The following NFKB2 variants were observed in gnomAD, a reference collection of about 807,000 sequenced individuals.
The protein encoded by NFKB2 is nuclear factor NF-kappa-B p100 subunit.
Under a neutral mutation model 109.3 loss-of-function variants are expected in NFKB2, and 21 were observed. The ratio of observed to expected loss-of-function variants is 0.19; its 90% CI spans 0.14 to 0.28. The LOEUF (loss-of-function observed/expected upper bound fraction) is 0.28. NFKB2 is among the 10% of genes least tolerant of loss of function. The probability of loss-of-function intolerance (pLI) is 1.00; values close to 1 mark genes in which losing one functional copy is unlikely to be tolerated. For missense variants in NFKB2, 806 were observed against 1,185.3 expected (o/e 0.68, Z 4.70); for synonymous variants, 478 against 489.9 (o/e 0.98, Z 0.32).
upstream of NFKB2, among the ~76,000 whole-genome samples, chr10:102,395,275 G>T (rs1384456374): frequency 6.6e-6 from 1 of 152,180 alleles, no homozygotes; most frequent in Non-Finnish European, 1.5e-5. Flanking sequence ...GCAGAACCCC[G>T]GGGCCTCCCA....
intron 14 of NFKB2, 98 bp from the exon 15 acceptor site, chr10:102,399,982 C>A: frequency 1.5e-6 from 2 of 1,297,806 alleles, no homozygotes; most frequent in Non-Finnish European, 2.2e-6. Flanking sequence ...GTGCTGGGTT[C>A]CATGGGCCCC....
Position 102,400,801 on chromosome 10 carries a change from TTGGTCACCCATC to T in NFKB2, c.1954_1965del (p.His652_Thr655del), listed in dbSNP as rs766575001. On this transcript the variant is annotated inframe_deletion, in exon 17 of 23. Transcript: ENST00000661543. This position sits in a 1 kb window ranked among gnomAD's most constrained non-coding sequence, Gnocchi z 6.3. ...AGCCACAGAGATGGAGGAGCTGGGG[TTGGTCACCCATC>T]TGGTCACCAAGGTGGGACTGAGGAT... The T allele has an allele frequency of 6.3e-7, 1 of 1,596,306 alleles. No individual in the cohort carries two copies. The highest frequency in any genetic ancestry group is 1.4e-5 in the African/African-American group (1 of 73,502).
chr10:102,398,849 G>A lies in NFKB2; in HGVS notation c.1102G>A (p.Gly368Arg), dbSNP rs934745953. The A allele has an allele frequency of 2.5e-6, 4 of 1,594,856 alleles. No homozygotes were observed. Among genetic ancestry groups the A allele is most frequent in the East Asian group, 2.2e-5 (1 of 44,826 alleles). The change falls in exon 12 of 23, where the codon GGA (glycine) becomes AGA (arginine). Residue 368 changes from glycine to arginine, a missense_variant. Coordinates refer to ENST00000661543, the MANE Select transcript of NFKB2 (RefSeq NM_001322934.2). This position sits in a 1 kb window ranked among gnomAD's most constrained non-coding sequence, Gnocchi z 6.6. ...CTCTGGGGGTGCAGCCGGGGGCTAC[G>A]GAGGAGCTGGAGGAGGTGAGGGGGT... ...GGSGGAAGGYGGAGGGGSLGF... is the reference protein window; with the variant it reads ...GGSGGAAGGYRGAGGGGSLGF...
In NFKB2 at chr10:102,396,379, G is replaced by A; in HGVS notation, c.103+45G>A. On this transcript the variant is annotated intron_variant, in intron 3 of 22. Coordinates refer to ENST00000661543, the MANE Select transcript of NFKB2 (RefSeq NM_001322934.2). The surrounding 1 kb of genome is among the most constrained non-coding windows in gnomAD (Gnocchi z 5.9). ...TCCCCTAGTCCTAAAGCGGGGGAGG[G>A]AGAGCATGTGCCCTCTCTCTGGGGG... is the stretch of plus-strand genomic sequence containing the variant. The A allele has an allele frequency of 6.2e-7, 1 of 1,613,912 alleles. No homozygotes were observed. The highest frequency in any genetic ancestry group is 8.5e-7 in the Non-Finnish European group (1 of 1,179,794).
In NFKB2 at chr10:102,400,937, G is replaced by T; in HGVS notation, c.1969-10G>T. 1.9e-6 allele frequency: 3 copies of T among 1,610,110 alleles called. No homozygotes were observed. The highest frequency in any genetic ancestry group is 1.3e-5 in the African/African-American group (1 of 74,922). On this transcript the variant is annotated splice_polypyrimidine_tract_variant and intron_variant, in intron 17 of 22. Transcript: ENST00000661543. This position sits in a 1 kb window ranked among gnomAD's most constrained non-coding sequence, Gnocchi z 6.3. ...GCTGTGGTGTCAACTCTCGCTGCTCGCACCCCCAGCTCCGGGCCAACGTGA... is the reference window on the plus strand; with the variant it reads ...GCTGTGGTGTCAACTCTCGCTGCTCTCACCCCCAGCTCCGGGCCAACGTGA...
rs1397409029 is a variant in NFKB2 at position 102,397,270 on chromosome 10, A to T, written c.396-32A>T. On this transcript the variant is annotated intron_variant, in intron 6 of 22. Transcript: ENST00000661543. This position sits in a 1 kb window ranked among gnomAD's most constrained non-coding sequence, Gnocchi z 4.7. Reference sequence around the variant, plus strand: ...AGGTGCCTCAGGAAGAAAGAACTGCATGGCCAAAGGCCTCCGATTCTCTCT... The same window carrying T: ...AGGTGCCTCAGGAAGAAAGAACTGCTTGGCCAAAGGCCTCCGATTCTCTCT... The T allele has an allele frequency of 6.2e-7, 1 of 1,605,188 alleles. No homozygotes were observed. The highest frequency in any genetic ancestry group is 2.2e-5 in the East Asian group (1 of 44,830).
Position 102,397,539 on chromosome 10 carries a change from G to C in NFKB2, c.515G>C (p.Arg172Pro), listed in dbSNP as rs779769505. The change falls in exon 8 of 23, where the codon CGG becomes CCG. Residue 172 changes from arginine to proline, a missense_variant. Physicochemically the swap from Arg to Pro is moderately radical, Grantham distance 103. This residue lies in a region of NFKB2 where 62 missense variants were observed against 102.2 expected (regional missense o/e 0.61). Transcript: ENST00000661543. This position sits in a 1 kb window ranked among gnomAD's most constrained non-coding sequence, Gnocchi z 4.7. Reference protein sequence around the residue: ...RPQGLTEAEQRELEQEAKELK... With the variant: ...RPQGLTEAEQPELEQEAKELK... ...ACCTACTGCCCAGAGGCCGAGCAGCGGGAGCTGGAGCAAGAGGCCAAAGAA... is the reference window on the plus strand; with the variant it reads ...ACCTACTGCCCAGAGGCCGAGCAGCCGGAGCTGGAGCAAGAGGCCAAAGAA... 1 of 1,613,004 alleles carries C rather than the reference G, an allele frequency of 6.2e-7. No homozygotes were observed. Among genetic ancestry groups the C allele is most frequent in the Non-Finnish European group, 8.5e-7 (1 of 1,179,278 alleles).
chr10:102,396,063 T>C lies in NFKB2; in HGVS notation c.21+83T>C. On this transcript the variant is annotated intron_variant, in intron 2 of 22. Coordinates refer to ENST00000661543, the MANE Select transcript of NFKB2 (RefSeq NM_001322934.2). This position sits in a 1 kb window ranked among gnomAD's most constrained non-coding sequence, Gnocchi z 5.9. ...TCTGCCCGAGCCCCCTCTGCTGCCTTACACCTGTATGCTCGCAGATGCTCT... is the reference window on the plus strand; with the variant it reads ...TCTGCCCGAGCCCCCTCTGCTGCCTCACACCTGTATGCTCGCAGATGCTCT... The C allele has an allele frequency of 6.4e-7, 1 of 1,569,430 alleles. No homozygotes were observed. The highest frequency in any genetic ancestry group is 1.1e-5 in the South Asian group (1 of 90,254).
In NFKB2 at chr10:102,400,893, G is replaced by A. The variant is rs45627832; in HGVS notation, c.1969-54G>A. ...AGGGGCCAAAGATGGTGAAGGGGGG[G>A]GCTGGCCAAGGGGACCATGCTGTGG... On this transcript the variant is annotated intron_variant, in intron 17 of 22. Coordinates refer to ENST00000661543, the MANE Select transcript of NFKB2 (RefSeq NM_001322934.2). The surrounding 1 kb of genome is among the most constrained non-coding windows in gnomAD (Gnocchi z 6.3). The A allele has an allele frequency of 1.1e-5, 17 of 1,583,664 alleles. No homozygotes were observed. The highest frequency in any genetic ancestry group is 4.0e-5 in the African/African-American group (3 of 74,400).
Position 102,402,124 on chromosome 10 carries a change from G to A in NFKB2, c.2543G>A (p.Arg848Lys), listed in dbSNP as rs368799218. Residue 848 changes from arginine to lysine, a missense_variant, in exon 22 of 23, where the codon AGG becomes AAG. Coordinates refer to ENST00000661543, the MANE Select transcript of NFKB2 (RefSeq NM_001322934.2). ...CTAGAGGAGGGAGTGAGGCTGCTGA[G>A]GGGTCCAGAAACCCGAGACAAGCTG... ...MGLEEGVRLLRGPETRDKLPS... is the reference protein window; with the variant it reads ...MGLEEGVRLLKGPETRDKLPS... The A allele has an allele frequency of 6.3e-7, 1 of 1,579,528 alleles. No homozygotes were observed. Among genetic ancestry groups the A allele is most frequent in the Non-Finnish European group, 8.6e-7 (1 of 1,162,270 alleles).
At chr10:102,395,563 T>G (rs1398796893), upstream of NFKB2, 1 of 341,338 alleles carries the variant, frequency 2.9e-6, no homozygotes, top group Admixed American at 4.4e-5. Context: ...CTCTGCCCGC[T>G]GAAAAGCAGC....
At position 102,395,871 on chromosome 10, in the gene NFKB2, A is replaced by C. The variant is rs2061099608; in HGVS notation, c.-72-17A>C. ...TAGATCTGACCCCCTCCCCCACGCCACTCCTCCCAACTTTAGGCGGGCGTC... is the reference window on the plus strand; with the variant it reads ...TAGATCTGACCCCCTCCCCCACGCCCCTCCTCCCAACTTTAGGCGGGCGTC... On this transcript the variant is annotated splice_polypyrimidine_tract_variant and intron_variant, in intron 1 of 22. Transcript: ENST00000661543. 8.6e-6 allele frequency: 4 copies of C among 464,856 alleles called. No homozygotes were observed. The highest frequency in any genetic ancestry group is 1.2e-5 in the Non-Finnish European group (4 of 344,814). The allele number at this position is 464,856 out of a possible 1,614,324, so 28.8% of individuals were successfully genotyped here. A position where few individuals can be genotyped will look rare whatever the true frequency, so the allele number is the denominator to read the frequency against.
In NFKB2 at chr10:102,400,411, GTGCT is replaced by G; in HGVS notation, c.1719_1722del (p.Ala574LeufsTer66). On this transcript the variant is annotated frameshift_variant, in exon 16 of 23. Coordinates refer to ENST00000661543, the MANE Select transcript of NFKB2 (RefSeq NM_001322934.2). LOFTEE classifies it high-confidence loss of function. The surrounding 1 kb of genome is among the most constrained non-coding windows in gnomAD (Gnocchi z 6.3). ...CATCTGGCGCTGCGGGCAGGCGCTG[GTGCT>G]CCTGAGCTGCTGCGTGCACTGCTTC... 1 of 1,613,100 alleles carries G rather than the reference GTGCT, an allele frequency of 6.2e-7. No homozygotes were observed. The highest frequency in any genetic ancestry group is 8.5e-7 in the Non-Finnish European group (1 of 1,180,022).
rs1284038164 is a variant in NFKB2 at position 102,401,934 on chromosome 10, C to T, written c.2466+17C>T. 6.2e-7 allele frequency: 1 copy of T among 1,604,244 alleles called. No homozygotes were observed. Among genetic ancestry groups the T allele is most frequent in the Non-Finnish European group, 8.5e-7 (1 of 1,174,270 alleles). Reference sequence around the variant, plus strand: ...AGCTACGAGGTGGGTTGGCCTGTGCCCTGCCCCCTCCCCAGCCTCCTTTCC... The same window carrying T: ...AGCTACGAGGTGGGTTGGCCTGTGCTCTGCCCCCTCCCCAGCCTCCTTTCC... On this transcript the variant is annotated intron_variant, in intron 21 of 22. Transcript: ENST00000661543. This position sits in a 1 kb window ranked among gnomAD's most constrained non-coding sequence, Gnocchi z 4.2.
chr10:102,396,599 T>TTGGA lies in NFKB2; in HGVS notation c.144+114_144+117dup. ...CATTGCCGAAGGAGGCCACAGGGGA[T>TTGGA]TGGATGGTCACTGCTGCTGATCAGA... On this transcript the variant is annotated intron_variant, in intron 4 of 22. Coordinates refer to ENST00000661543, the MANE Select transcript of NFKB2 (RefSeq NM_001322934.2). The surrounding 1 kb of genome is among the most constrained non-coding windows in gnomAD (Gnocchi z 5.9). The TTGGA allele has an allele frequency of 6.3e-7, 1 of 1,576,616 alleles. No individual in the cohort carries two copies. The highest frequency in any genetic ancestry group is 8.7e-7 in the Non-Finnish European group (1 of 1,148,842).
chr10:102,400,052 G>T lies in NFKB2; in HGVS notation c.1470-28G>T, dbSNP rs753409845. 2.5e-6 allele frequency: 4 copies of T among 1,607,342 alleles called. No individual in the cohort carries two copies. Among genetic ancestry groups the T allele is most frequent in the Non-Finnish European group, 3.4e-6 (4 of 1,174,424 alleles). ...AAGCGAAGGATGCTCTGAGTGGCTG[G>T]GCCAGACTCTCGCTCCCCAACCCCC... is the stretch of plus-strand genomic sequence containing the variant. On this transcript the variant is annotated intron_variant, in intron 14 of 22. Coordinates refer to ENST00000661543, the MANE Select transcript of NFKB2 (RefSeq NM_001322934.2). The surrounding 1 kb of genome is among the most constrained non-coding windows in gnomAD (Gnocchi z 6.3).
chr10:102,402,333 C>T lies in NFKB2; in HGVS notation c.2660C>T (p.Pro887Leu). 6.4e-7 allele frequency: 1 copy of T among 1,571,236 alleles called. No homozygotes were observed. Among genetic ancestry groups the T allele is most frequent in the Non-Finnish European group, 8.6e-7 (1 of 1,158,912 alleles). ...AAGCTGGGCCCACCCCCTGAGCCAC[C>T]AGGAGGGCTCTGCCACGGGCACCCC... ...AEKLGPPPEP[P>L]GGLCHGHPQP... The change falls in exon 23 of 23, where the codon CCA becomes CTA. Residue 887 changes from proline to leucine, a missense_variant. By Grantham distance (98) the Pro-to-Leu change is moderately conservative. This residue lies in a region of NFKB2 where 211 missense variants were observed against 268.7 expected (regional missense o/e 0.79). Transcript: ENST00000661543.
In NFKB2 at chr10:102,398,967, C is replaced by A; in HGVS notation, c.1117+103C>A. Reference sequence around the variant, plus strand: ...GGTGGCTCACGCCTGTAATCCAGCCCTTTGGGAGGCCAAGGCAGGCAGATT... The same window carrying A: ...GGTGGCTCACGCCTGTAATCCAGCCATTTGGGAGGCCAAGGCAGGCAGATT... On this transcript the variant is annotated intron_variant, in intron 12 of 22. Transcript: ENST00000661543. The surrounding 1 kb of genome is among the most constrained non-coding windows in gnomAD (Gnocchi z 6.6). 7.7e-7 allele frequency: 1 copy of A among 1,301,640 alleles called. No individual in the cohort carries two copies. The highest frequency in any genetic ancestry group is 1.5e-5 in the African/African-American group (1 of 68,090). The allele number at this position is 1,301,640 out of a possible 1,614,324, so 80.6% of individuals were successfully genotyped here. A position where few individuals can be genotyped will look rare whatever the true frequency, so the allele number is the denominator to read the frequency against.
Position 102,397,795 on chromosome 10 carries a change from A to C in NFKB2, c.661+110A>C. The C allele has an allele frequency of 7.2e-7, 1 of 1,390,582 alleles. No homozygotes were observed. Among genetic ancestry groups the C allele is most frequent in the Non-Finnish European group, 9.9e-7 (1 of 1,006,444 alleles). The allele number at this position is 1,390,582 out of a possible 1,614,324, so 86.1% of individuals were successfully genotyped here. A position where few individuals can be genotyped will look rare whatever the true frequency, so the allele number is the denominator to read the frequency against. On this transcript the variant is annotated intron_variant, in intron 8 of 22. Coordinates refer to ENST00000661543, the MANE Select transcript of NFKB2 (RefSeq NM_001322934.2). This position sits in a 1 kb window ranked among gnomAD's most constrained non-coding sequence, Gnocchi z 4.7. The stretch of plus-strand genomic sequence containing the variant: ...CCAGGTTTCAGAACCTGGCCCTGCC[A>C]CATATGAGCTGAGTGATCCTGAGCA...
Sources: allele counts gnomAD v4.1 joint callset (sites outside exome capture counted in the v4.1 genomes callset), GRCh38; gene constraint gnomAD v4.1.1; regional missense constraint gnomAD v4.1.1; non-coding constraint Gnocchi (gnomAD v3.1); transcripts MANE v1.5; gene names NCBI Gene and HGNC (gene_info 2026-07-23, HGNC 2026-07-21).